The following PDE1C variants were observed in gnomAD, a reference collection of about 807,000 sequenced individuals.
The protein encoded by PDE1C is dual specificity calcium/calmodulin-dependent 3',5'-cyclic nucleotide phosphodiesterase 1C.
PDE1C carries 62 observed loss-of-function variants against 93.1 expected under a neutral mutation model. That is an observed-to-expected ratio of 0.67 (90% CI 0.54 to 0.82). The LOEUF is 0.82. PDE1C is among the 40% of genes least tolerant of loss of function. The pLI is 0.00. For missense variants in PDE1C, 742 were observed against 884.6 expected (o/e 0.84, Z 2.04); for synonymous variants, 325 against 310.1 (o/e 1.05, Z -0.50).
intron 2 of PDE1C, among the ~76,000 whole-genome samples, chr7:32,002,933 T>C (rs954921148): frequency 6.6e-6 from 1 of 151,630 alleles, no homozygotes; most frequent in African/African-American, 2.4e-5. Flanking sequence ...TGAAATTCAG[T>C]TTCTTTTTCT....
chr7:32,090,948 TAACA>T (rs1797436504), intron 3 of PDE1C, among the ~76,000 whole-genome samples: 1 of 152,172 alleles, frequency 6.6e-6, no homozygotes, highest in South Asian at 2.1e-4. Flanking sequence ...GCCAGATAAC[TAACA>T]GAGATATATT....
chr7:31,683,233 A>C, the PDE1C span, among the ~76,000 whole-genome samples: 1 of 152,160 alleles, frequency 6.6e-6, no homozygotes, highest in Admixed American at 6.5e-5. Flanking sequence ...CCATCAGGGG[A>C]AACTGTGCAC....
At chr7:32,125,538 G>A (rs1400147806) in intron 3 of PDE1C, among the ~76,000 whole-genome samples, 1 of 152,156 alleles carries the variant, frequency 6.6e-6, no homozygotes, top group Non-Finnish European at 1.5e-5. Context: ...CTATGCAGCT[G>A]TAAAAAGGAA....
At chr7:32,164,098 G>C (rs891539700) in intron 3 of PDE1C, among the ~76,000 whole-genome samples, 4 of 152,208 alleles carry the variant, frequency 2.6e-5, no homozygotes, top group African/African-American at 9.7e-5. Flanking sequence ...CCACTCTGAA[G>C]GTGGTGGTCC....
At chr7:31,877,522 T>C (rs908460577) in intron 5 of PDE1C, among the ~76,000 whole-genome samples, 3 of 151,886 alleles carry the variant, frequency 2.0e-5, no homozygotes, top group African/African-American at 7.3e-5. Context: ...ATTAGCTCTG[T>C]CTCTAATTAA....
intron 2 of PDE1C, among the ~76,000 whole-genome samples, chr7:31,904,574 A>G (rs1472879131): frequency 6.6e-6 from 1 of 152,000 alleles, no homozygotes; most frequent in Non-Finnish European, 1.5e-5. Flanking sequence ...GCTACATACT[A>G]CTTCGACTCA....
At chr7:32,359,802 C>T (rs1301909186) in intron 1 of PDE1C, among the ~76,000 whole-genome samples, 1 of 152,154 alleles carries the variant, frequency 6.6e-6, no homozygotes. Context: ...CATGGAAGAG[C>T]CTTTGCTCAT....
chr7:32,373,577 G>A (rs1412069514), intron 1 of PDE1C, among the ~76,000 whole-genome samples: 4 of 152,130 alleles, frequency 2.6e-5, no homozygotes, highest in South Asian at 2.1e-4. Context: ...TCTTGAATTC[G>A]CCAAAACCAT....
chr7:32,009,893 T>C (rs1786837726), intron 2 of PDE1C, among the ~76,000 whole-genome samples: 1 of 152,156 alleles, frequency 6.6e-6, no homozygotes, highest in Admixed American at 6.5e-5. Flanking sequence ...ATACTATAAA[T>C]GAACAATCAG....
chr7:31,771,437 C>T (rs564783621), intron 17 of PDE1C, among the ~76,000 whole-genome samples: 2 of 152,316 alleles, frequency 1.3e-5, no homozygotes, highest in East Asian at 3.9e-4. Context: ...GAAGTGGCAT[C>T]TCACTGTGGC....
chr7:31,662,173 C>G, the PDE1C span, among the ~76,000 whole-genome samples: 1 of 152,186 alleles, frequency 6.6e-6, no homozygotes, highest in East Asian at 1.9e-4. Flanking sequence ...TTTATTCACC[C>G]TGGAAGGGAA....
At chr7:32,295,441 G>A (rs2128899351) in intron 1 of PDE1C, among the ~76,000 whole-genome samples, 1 of 152,344 alleles carries the variant, frequency 6.6e-6, no homozygotes, top group Non-Finnish European at 1.5e-5. Context: ...TAAAACAGGG[G>A]TCATAACAGC....
upstream of PDE1C, among the ~76,000 whole-genome samples, chr7:32,300,680 C>T (rs376124676): frequency 7.2e-5 from 11 of 152,264 alleles, no homozygotes; most frequent in Admixed American, 3.3e-4. Context: ...AGCTGACTCC[C>T]AGATCTTACT....
chr7:31,621,443 G>A, the PDE1C span, among the ~76,000 whole-genome samples: 1 of 103,200 alleles, frequency 9.7e-6, no homozygotes. Flanking sequence ...GAGAGTGGGG[G>A]CCAATATTCA....
At chr7:31,877,172 C>T (rs956597888) in intron 5 of PDE1C, among the ~76,000 whole-genome samples, 1 of 152,200 alleles carries the variant, frequency 6.6e-6, no homozygotes, top group Non-Finnish European at 1.5e-5. Context: ...ACTCAGTGAT[C>T]TTGGGCTACA....
chr7:31,745,694 T>C, the PDE1C span, among the ~76,000 whole-genome samples: 5 of 152,148 alleles, frequency 3.3e-5, no homozygotes, highest in African/African-American at 1.2e-4. Context: ...AAAATGAGAA[T>C]AGACCTGGCT....
chr7:31,848,457 A>AT (rs1332809632), intron 8 of PDE1C, among the ~76,000 whole-genome samples: 1 of 151,948 alleles, frequency 6.6e-6, no homozygotes, highest in African/African-American at 2.4e-5. Context: ...TTTTATTTTT[A>AT]TTTTATTCAA....
intron 2 of PDE1C, among the ~76,000 whole-genome samples, chr7:31,972,539 C>T (rs535075008): frequency 4.9e-4 from 74 of 152,244 alleles, no homozygotes; most frequent in African/African-American, 1.7e-3. Flanking sequence ...TCTGAGGGCT[C>T]GGTTCCAGAA....
intron 1 of PDE1C, among the ~76,000 whole-genome samples, chr7:32,416,396 G>A (rs1785277725): frequency 6.6e-6 from 1 of 152,174 alleles, no homozygotes; most frequent in Admixed American, 6.5e-5. Context: ...TCCTCCAGGA[G>A]ACTCACAATG....
Sources: gnomAD v4.1 joint callset for allele counts (sites outside exome capture counted in the v4.1 genomes callset) on GRCh38, gnomAD v4.1.1 for gene constraint, MANE v1.5 for transcripts, NCBI Gene and HGNC (gene_info 2026-07-23, HGNC 2026-07-21) for gene names.